The following AKR1C3 variants were observed in gnomAD, a reference collection of about 807,000 sequenced individuals.
AKR1C3 encodes aldo-keto reductase family 1 member C3.
A neutral mutation model predicts 43.6 loss-of-function variants in AKR1C3; 48 were observed. The ratio of observed to expected loss-of-function variants is 1.10; its 90% CI spans 0.87 to 1.40. The LOEUF (loss-of-function observed/expected upper bound fraction) is 1.40. AKR1C3 is among the 40% of genes most tolerant of loss of function. The pLI, the probability that AKR1C3 is intolerant of heterozygous loss-of-function variation, is 0.00. For synonymous variants in AKR1C3, 162 were observed against 139.6 expected (o/e 1.16, Z -1.13); for missense variants, 482 against 391.2 (o/e 1.23, Z -1.96).
rs549517959 is a variant in AKR1C3 at position 5,062,659 on chromosome 10, A to G, written c.84+13764A>G. ...AGGTAATTACCAAGAAAACAGTGACATTTTCTCAAAACTTACAGGTCAAGT... is the reference window on the plus strand; with the variant it reads ...AGGTAATTACCAAGAAAACAGTGACGTTTTCTCAAAACTTACAGGTCAAGT... On this transcript the variant is annotated intron_variant, in intron 1 of 8. Transcript: ENST00000439082. Among the ~76,000 whole-genome samples, 313 of 152,290 alleles carry G rather than the reference A, an allele frequency of 2.1e-3. 2 individuals are homozygous for G. Among genetic ancestry groups the G allele is most frequent in the African/African-American group, 6.6e-3 (276 of 41,556 alleles).
chr10:5,102,538 C>T lies in AKR1C3; in HGVS notation c.734C>T (p.Ala245Val). 6.4e-7 allele frequency: 1 copy of T among 1,573,298 alleles called. No homozygotes were observed. The highest frequency in any genetic ancestry group is 8.6e-7 in the Non-Finnish European group (1 of 1,157,508). The change falls in exon 7 of 9, where the codon GCA becomes GTA. Residue 245 changes from alanine (A) to valine (V), a missense_variant. Ala to Val is a moderately conservative substitution (Grantham distance 64, BLOSUM62 0). Coordinates refer to ENST00000380554, the MANE Select transcript of AKR1C3 (RefSeq NM_003739.6). ...GAGGACCCAGTCCTTTGTGCCTTGG[C>T]AAAAAAGCACAAGCGAACCCCAGCC... Reference protein sequence around the residue: ...LLEDPVLCALAKKHKRTPALI... With the variant: ...LLEDPVLCALVKKHKRTPALI...
At chr10:5,076,438 A>T (rs1838716740) in intron 1 of AKR1C3, among the ~76,000 whole-genome samples, 1 of 152,116 alleles carries the variant, frequency 6.6e-6, no homozygotes. Context: ...TAGAATTGTA[A>T]AAAACTAATC....
chr10:5,091,120 G>A (rs1839077835), upstream of AKR1C3, among the ~76,000 whole-genome samples: 1 of 151,972 alleles, frequency 6.6e-6, no homozygotes, highest in South Asian at 2.1e-4. Flanking sequence ...AACCACCGAA[G>A]AAGAAAACGG....
At chr10:5,075,900 G>A (rs1435514756) in intron 1 of AKR1C3, among the ~76,000 whole-genome samples, 1 of 151,814 alleles carries the variant, frequency 6.6e-6, no homozygotes, top group Non-Finnish European at 1.5e-5. Flanking sequence ...AAGGAATATG[G>A]GAGTCACGGG....
chr10:5,085,056 GA>G (rs1838932394), intron 1 of AKR1C3, among the ~76,000 whole-genome samples: 1 of 152,044 alleles, frequency 6.6e-6, no homozygotes, highest in Non-Finnish European at 1.5e-5. Flanking sequence ...TTTCCTAATT[GA>G]ATACCCTTTA....
intron 3 of AKR1C3, chr10:5,097,971 C>A: frequency 9.6e-7 from 1 of 1,041,430 alleles, no homozygotes; most frequent in Non-Finnish European, 1.2e-6. Context: ...TGGTGGAAGC[C>A]ACTATGCATG....
intron 1 of AKR1C3, among the ~76,000 whole-genome samples, chr10:5,080,201 T>C (rs1331339313): frequency 2.0e-5 from 3 of 151,812 alleles, no homozygotes; most frequent in Non-Finnish European, 4.4e-5. Context: ...GATGTGGAGA[T>C]GGGAAACACT....
Position 5,107,619 on chromosome 10 carries a change from C to A in AKR1C3, c.*116C>A. On this transcript the variant is annotated 3_prime_UTR_variant, in exon 9 of 9. Transcript: ENST00000380554. ...CTCTACTTAAATCCGTCCTGTTTAGCGACTTCAGTCAACTACAGCTGAGTC... is the reference window on the plus strand; with the variant it reads ...CTCTACTTAAATCCGTCCTGTTTAGAGACTTCAGTCAACTACAGCTGAGTC... 2.7e-6 allele frequency: 2 copies of A among 743,520 alleles called. No individual in the cohort carries two copies. The highest frequency in any genetic ancestry group is 4.5e-6 in the Non-Finnish European group (2 of 447,096). 46.1% of individuals were successfully genotyped at this position (743,520 alleles called of 1,614,324 possible).
chr10:5,096,569 A>G lies in AKR1C3; in HGVS notation c.244A>G (p.Thr82Ala). 3.1e-6 allele frequency: 5 copies of G among 1,613,276 alleles called. No individual in the cohort carries two copies. The highest frequency in any genetic ancestry group is 4.2e-6 in the Non-Finnish European group (5 of 1,179,520). The change falls in exon 2 of 9, where the codon ACT (threonine) becomes GCT (alanine). Residue 82 changes from threonine to alanine, a missense_variant. Transcript: ENST00000380554. ...GSVKREDIFY[T>A]SKLWSTFHRP... ...TGTGAAGAGAGAAGACATATTCTAC[A>G]CTTCAAAGGTACTGTGTCTATGATG...
chr10:5,049,830 T>C (rs554162863), intron 1 of AKR1C3, among the ~76,000 whole-genome samples: 1 of 152,340 alleles, frequency 6.6e-6, no homozygotes, highest in Non-Finnish European at 1.5e-5. Flanking sequence ...TTAATTTCAC[T>C]TTATTAAAAA....
chr10:5,103,560 C>T (rs782569150), intron 7 of AKR1C3, among the ~76,000 whole-genome samples: 10 of 152,138 alleles, frequency 6.6e-5, no homozygotes, highest in African/African-American at 1.4e-4. Context: ...TGCAGGACAA[C>T]GAGATAGCTC....
intron 8 of AKR1C3, among the ~76,000 whole-genome samples, chr10:5,106,154 A>G (rs2131854797): frequency 6.6e-6 from 1 of 152,264 alleles, no homozygotes; most frequent in East Asian, 1.9e-4. Context: ...TCAATTCAGC[A>G]TCTTTTATTA....
chr10:5,060,878 T>A (rs1395251033), intron 1 of AKR1C3, among the ~76,000 whole-genome samples: 3 of 152,198 alleles, frequency 2.0e-5, no homozygotes, highest in Non-Finnish European at 4.4e-5. Context: ...CAGCAGCTGC[T>A]GGCCCAGGTG....
chr10:5,052,126 G>A (rs1465624329), intron 1 of AKR1C3, among the ~76,000 whole-genome samples: 4 of 152,110 alleles, frequency 2.6e-5, no homozygotes, highest in Non-Finnish European at 5.9e-5. Flanking sequence ...CCTTCTGGTG[G>A]GTGCATGGTC....
At chr10:5,070,871 G>T (rs1838601870) in intron 1 of AKR1C3, among the ~76,000 whole-genome samples, 1 of 152,174 alleles carries the variant, frequency 6.6e-6, no homozygotes, top group African/African-American at 2.4e-5. Context: ...TAACTAACCA[G>T]TCTGCAGTCT....
In AKR1C3 at chr10:5,097,918, A is replaced by G. The variant is rs78635829; in HGVS notation, c.369+368A>G. On this transcript the variant is annotated intron_variant, in intron 3 of 8. Coordinates refer to ENST00000380554, the MANE Select transcript of AKR1C3 (RefSeq NM_003739.6). ...AAAACTGCTGCACATGTGATGCACA[A>G]TGAGTTTCCACCATCTCTCCCCATT... is the stretch of plus-strand genomic sequence containing the variant. The G allele has an allele frequency of 3.2e-4, 337 of 1,059,680 alleles. 2 individuals carry two copies. In the African/African-American group the frequency reaches 4.7e-3, roughly 15 times the overall value. The allele number at this position is 1,059,680 out of a possible 1,614,324, so 65.6% of individuals were successfully genotyped here.
At chr10:5,106,955 G>C (rs924319500) in intron 8 of AKR1C3, among the ~76,000 whole-genome samples, 3 of 144,778 alleles carry the variant, frequency 2.1e-5, no homozygotes, top group Non-Finnish European at 4.6e-5. Flanking sequence ...GAAGAGTAGC[G>C]AGCATGAGTA....
intron 1 of AKR1C3, among the ~76,000 whole-genome samples, chr10:5,086,489 C>CT (rs1352952744): frequency 6.6e-6 from 1 of 151,708 alleles, no homozygotes; most frequent in East Asian, 1.9e-4. Context: ...GAGAGCTTTA[C>CT]TTCTAACTAT....
chr10:5,095,866 T>TGTG lies in AKR1C3; in HGVS notation c.85-544_85-543insGTG, dbSNP rs782296833. Among the ~76,000 whole-genome samples the TGTG allele has an allele frequency of 9.8e-3, 1,490 of 152,234 alleles. 23 individuals are homozygous for TGTG. Among genetic ancestry groups the TGTG allele is most frequent in the African/African-American group, 0.034 (1,418 of 41,556 alleles). On this transcript the variant is annotated intron_variant, in intron 1 of 8. Coordinates refer to ENST00000380554, the MANE Select transcript of AKR1C3 (RefSeq NM_003739.6). ...ACTATGCAGAAAAGACTTAATAGAC[T>TGTG]ACTATTCACAGATGCTTTATTTCCC...
Sources: gnomAD v4.1 joint callset for allele counts (sites outside exome capture counted in the v4.1 genomes callset) on GRCh38, gnomAD v4.1.1 for gene constraint, MANE v1.5 for transcripts, NCBI Gene and HGNC (gene_info 2026-07-23, HGNC 2026-07-21) for gene names.